DCUN1D5: variants seen among roughly 807,000 people sequenced by gnomAD.
The protein encoded by DCUN1D5 is DCN1-like protein 5.
Under a neutral mutation model 38.3 loss-of-function variants are expected in DCUN1D5, and 10 were observed. That is an observed-to-expected ratio of 0.26 (90% CI 0.16 to 0.44). DCUN1D5 has a LOEUF of 0.44. DCUN1D5 is among the 20% of genes least tolerant of loss of function. DCUN1D5 has a pLI of 1.00. For synonymous variants in DCUN1D5, 93 were observed against 90.9 expected (o/e 1.02, Z -0.13); for missense variants, 148 against 275.3 (o/e 0.54, Z 3.27).
intron 4 of DCUN1D5, among the ~76,000 whole-genome samples, chr11:103,079,720 T>C (rs1174920437): frequency 1.3e-5 from 2 of 151,672 alleles, no homozygotes; most frequent in African/African-American, 2.4e-5. Context: ...GGAGATTAGG[T>C]TGCAGTGAGC....
intron 4 of DCUN1D5, among the ~76,000 whole-genome samples, chr11:103,075,727 T>C (rs190980445): frequency 1.3e-3 from 197 of 152,304 alleles, no homozygotes; most frequent in African/African-American, 4.4e-3. Context: ...ACATGAGAAA[T>C]GGTTTCTCCA....
At chr11:103,068,567 C>T (rs1862192451) in intron 4 of DCUN1D5, among the ~76,000 whole-genome samples, 1 of 152,062 alleles carries the variant, frequency 6.6e-6, no homozygotes, top group African/African-American at 2.4e-5. Flanking sequence ...AGGTCATTAT[C>T]CTTAGCAAGC....
chr11:103,091,669 T>C lies in DCUN1D5; in HGVS notation c.86+118A>G. 1.3e-6 allele frequency: 2 copies of C among 1,589,380 alleles called. No homozygotes were observed. The highest frequency in any genetic ancestry group is 2.7e-5 in the African/African-American group (2 of 74,496). On this transcript the variant is annotated intron_variant, in intron 1 of 7. Coordinates refer to ENST00000260247, the MANE Select transcript of DCUN1D5 (RefSeq NM_032299.4). This position sits in a 1 kb window ranked among gnomAD's most constrained non-coding sequence, Gnocchi z 4.3. The stretch of plus-strand genomic sequence containing the variant: ...GTTCGGCACCTACAGCCTAGCTCGA[T>C]CAAAGGGGCCTCACCTGTCTCCAGC...
In DCUN1D5 at chr11:103,058,897, G is replaced by T. The variant is rs1274508899; in HGVS notation, c.*3462C>A. Among the ~76,000 whole-genome samples, 4 of 150,866 alleles carry T rather than the reference G, an allele frequency of 2.7e-5. No homozygotes were observed. The East Asian group carries it at 7.8e-4, about 29-fold the overall frequency. The stretch of plus-strand genomic sequence containing the variant: ...AGGAGTAAGACTTTTGGGTTTTTTT[G>T]GGGGGGGTTTTAATTTTATTTTTTA... On this transcript the variant is annotated 3_prime_UTR_variant, in exon 8 of 8. Transcript: ENST00000260247.
chr11:103,087,784 G>A lies in DCUN1D5; in HGVS notation c.178+1443C>T, dbSNP rs1265082813. Among the ~76,000 whole-genome samples, 1 of 152,160 alleles carries A rather than the reference G, an allele frequency of 6.6e-6. No homozygotes were observed. Among genetic ancestry groups the A allele is most frequent in the African/African-American group, 2.4e-5 (1 of 41,404 alleles). ...GTTGGCTATTAAAAATGCTAATATA[G>A]TAAACAAATGTTTAATTAGAATCTT... On this transcript the variant is annotated intron_variant, in intron 2 of 7. Transcript: ENST00000260247. The surrounding 1 kb of genome is among the most constrained non-coding windows in gnomAD (Gnocchi z 4.1).
rs1237245451 is a variant in DCUN1D5, at chr11:103,065,877, T to C, written c.555+392A>G. On this transcript the variant is annotated intron_variant, in intron 6 of 7. Coordinates refer to ENST00000260247, the MANE Select transcript of DCUN1D5 (RefSeq NM_032299.4). The surrounding 1 kb of genome is among the most constrained non-coding windows in gnomAD (Gnocchi z 4.6). The stretch of plus-strand genomic sequence containing the variant: ...AAGGAAAGTTTTATTACTAAATTGG[T>C]TCTCTTATGTACATTTCAGCTTAAG... Among the ~76,000 whole-genome samples the C allele has an allele frequency of 6.6e-6, 1 of 152,146 alleles. No homozygotes were observed. Among genetic ancestry groups the C allele is most frequent in the East Asian group, 1.9e-4 (1 of 5,194 alleles).
chr11:103,083,995 C>T lies in DCUN1D5; in HGVS notation c.179-669G>A, dbSNP rs1199004241. On this transcript the variant is annotated intron_variant, in intron 2 of 7. Coordinates refer to ENST00000260247, the MANE Select transcript of DCUN1D5 (RefSeq NM_032299.4). This position sits in a 1 kb window ranked among gnomAD's most constrained non-coding sequence, Gnocchi z 4.4. ...AATCTTTCAATTAGTTAGTGTCTATCATTCATCCAAAAATTAATTACTGGC... is the reference window on the plus strand; with the variant it reads ...AATCTTTCAATTAGTTAGTGTCTATTATTCATCCAAAAATTAATTACTGGC... Among the ~76,000 whole-genome samples, 1 of 152,118 alleles carries T rather than the reference C, an allele frequency of 6.6e-6. No homozygotes were observed. The highest frequency in any genetic ancestry group is 1.5e-5 in the Non-Finnish European group (1 of 67,986).
rs1862732518 is a variant in DCUN1D5 at position 103,087,169 on chromosome 11, TTTTC to T, written c.178+2054_178+2057del. The stretch of plus-strand genomic sequence containing the variant: ...CGTGAAACCCCATTTCTTTTTTTCT[TTTTC>T]TTTTTTTTTTTTTTTGAGGCAGAGT... On this transcript the variant is annotated intron_variant, in intron 2 of 7. Transcript: ENST00000260247. This position sits in a 1 kb window ranked among gnomAD's most constrained non-coding sequence, Gnocchi z 4.1. Among the ~76,000 whole-genome samples, 1 of 140,766 alleles carries T rather than the reference TTTTC, an allele frequency of 7.1e-6. No homozygotes were observed. Among genetic ancestry groups the T allele is most frequent in the Non-Finnish European group, 1.5e-5 (1 of 66,078 alleles). The allele number at this position is 140,766 out of a possible 152,430, so 92.3% of individuals were successfully genotyped here.
In DCUN1D5 at chr11:103,091,605, C is replaced by G; in HGVS notation, c.86+182G>C. On this transcript the variant is annotated intron_variant, in intron 1 of 7. Transcript: ENST00000260247. The surrounding 1 kb of genome is among the most constrained non-coding windows in gnomAD (Gnocchi z 4.3). ...CTCCATAAACGCCAGCGTGCACACACTCGAACACGAGGTCGGGTCGGGCGC... is the reference window on the plus strand; with the variant it reads ...CTCCATAAACGCCAGCGTGCACACAGTCGAACACGAGGTCGGGTCGGGCGC... 1 of 1,082,118 alleles carries G rather than the reference C, an allele frequency of 9.2e-7. No homozygotes were observed. The highest frequency in any genetic ancestry group is 2.1e-5 in the Admixed American group (1 of 47,410). The allele number at this position is 1,082,118 out of a possible 1,614,324, so 67.0% of individuals were successfully genotyped here.
chr11:103,064,008 T>C lies in DCUN1D5; in HGVS notation c.658+267A>G, dbSNP rs898282009. ...GAAAGACAGAAACAAAGCTGAATTT[T>C]AGCTTCTGGATGCAAAAATTATAAT... On this transcript the variant is annotated intron_variant, in intron 7 of 7. Coordinates refer to ENST00000260247, the MANE Select transcript of DCUN1D5 (RefSeq NM_032299.4). This position sits in a 1 kb window ranked among gnomAD's most constrained non-coding sequence, Gnocchi z 4.5. Among the ~76,000 whole-genome samples, 3 of 152,168 alleles carry C rather than the reference T, an allele frequency of 2.0e-5. No individual in the cohort carries two copies. Among genetic ancestry groups the C allele is most frequent in the Admixed American group, 6.5e-5 (1 of 15,282 alleles).
At position 103,058,662 on chromosome 11, in the gene DCUN1D5, T is replaced by A. The variant is rs1283025356; in HGVS notation, c.*3697A>T. ...ATATTCCTGAAGTAATAAAACTATA[T>A]CATTAAAAAAAGATATAATCCAGAA... On this transcript the variant is annotated 3_prime_UTR_variant, in exon 8 of 8. Transcript: ENST00000260247. 6.6e-6 allele frequency among the ~76,000 whole-genome samples: 1 copy of A among 152,038 alleles called. No homozygotes were observed. Among genetic ancestry groups the A allele is most frequent in the Non-Finnish European group, 1.5e-5 (1 of 67,992 alleles).
Position 103,060,808 on chromosome 11 carries a change from A to G in DCUN1D5, c.*1551T>C, listed in dbSNP as rs1050579958. ...AAGAGTCAACTAAATTATAAATTTA[A>G]AGGTCTACAAATCTAAATGCTTTCC... On this transcript the variant is annotated 3_prime_UTR_variant, in exon 8 of 8. Coordinates refer to ENST00000260247, the MANE Select transcript of DCUN1D5 (RefSeq NM_032299.4). Among the ~76,000 whole-genome samples, 7 of 152,174 alleles carry G rather than the reference A, an allele frequency of 4.6e-5. No homozygotes were observed. The highest frequency in any genetic ancestry group is 1.0e-4 in the Non-Finnish European group (7 of 68,026).
chr11:103,083,683 A>G lies in DCUN1D5; in HGVS notation c.179-357T>C, dbSNP rs938847577. Among the ~76,000 whole-genome samples the G allele has an allele frequency of 7.9e-5, 12 of 152,102 alleles. No individual in the cohort carries two copies. The highest frequency in any genetic ancestry group is 2.4e-4 in the African/African-American group (10 of 41,462). Reference sequence around the variant, plus strand: ...TTTGACAATGCATGAATATGAAAAAACATAAGGCAGCTGGAGCTTCTTAAT... The same window carrying G: ...TTTGACAATGCATGAATATGAAAAAGCATAAGGCAGCTGGAGCTTCTTAAT... On this transcript the variant is annotated intron_variant, in intron 2 of 7. Transcript: ENST00000260247. This position sits in a 1 kb window ranked among gnomAD's most constrained non-coding sequence, Gnocchi z 4.4.
chr11:103,072,560 A>G (rs1057352102), intron 4 of DCUN1D5, among the ~76,000 whole-genome samples: 11 of 152,098 alleles, frequency 7.2e-5, no homozygotes, highest in Non-Finnish European at 1.5e-4. Context: ...GCACATACAC[A>G]CCATGGAATA....
Position 103,055,564 on chromosome 11 carries a change from T to C in DCUN1D5, c.*6795A>G, listed in dbSNP as rs1861853819. Reference sequence around the variant, plus strand: ...TTGGCAACTATTATCAATCTTGCTTTTTAAATCTTAGTGCTTCTACAACAC... The same window carrying C: ...TTGGCAACTATTATCAATCTTGCTTCTTAAATCTTAGTGCTTCTACAACAC... On this transcript the variant is annotated 3_prime_UTR_variant, in exon 8 of 8. Coordinates refer to ENST00000260247, the MANE Select transcript of DCUN1D5 (RefSeq NM_032299.4). The C allele has an allele frequency of 6.6e-6, 1 of 152,328 alleles. No individual in the cohort carries two copies. Among genetic ancestry groups the C allele is most frequent in the East Asian group, 1.9e-4 (1 of 5,192 alleles). 9.4% of individuals were successfully genotyped at this position (152,328 alleles called of 1,614,324 possible).
Position 103,089,336 on chromosome 11 carries a change from C to T in DCUN1D5, c.87-18G>A, listed in dbSNP as rs373235829. 6.6e-5 allele frequency: 104 copies of T among 1,581,048 alleles called. No individual in the cohort carries two copies. Among genetic ancestry groups the T allele is most frequent in the African/African-American group, 8.1e-5 (6 of 74,172 alleles). On this transcript the variant is annotated intron_variant, in intron 1 of 7. Coordinates refer to ENST00000260247, the MANE Select transcript of DCUN1D5 (RefSeq NM_032299.4). ...TGCAATAGCTTAGAAAACACACAGA[C>T]GCCTAAGATTTTTATCACATCTCAA...
intron 4 of DCUN1D5, among the ~76,000 whole-genome samples, chr11:103,072,055 T>TA (rs1434376495): frequency 1.4e-5 from 2 of 142,628 alleles, no homozygotes; most frequent in Non-Finnish European, 3.1e-5. Context: ...AAAAAAAAAA[T>TA]AGAGGGGAGT....
chr11:103,067,001 G>C (rs1862150098), intron 4 of DCUN1D5, among the ~76,000 whole-genome samples: 1 of 152,208 alleles, frequency 6.6e-6, no homozygotes, highest in African/African-American at 2.4e-5. Context: ...CATTAGTCAT[G>C]AGTAGTTTTA....
chr11:103,088,849 T>C (rs145338940), intron 2 of DCUN1D5, among the ~76,000 whole-genome samples: 52 of 152,314 alleles, frequency 3.4e-4, no homozygotes, highest in Middle Eastern at 3.4e-3. Flanking sequence ...AAAAAGAGAA[T>C]ATTGAATAGA....
Sources: allele counts gnomAD v4.1 joint callset (sites outside exome capture counted in the v4.1 genomes callset), GRCh38; gene constraint gnomAD v4.1.1; non-coding constraint Gnocchi (gnomAD v3.1); transcripts MANE v1.5; gene names NCBI Gene and HGNC (gene_info 2026-07-23, HGNC 2026-07-21).